The following ENTREP2 variants were observed in gnomAD, a reference collection of about 807,000 sequenced individuals.
ENTREP2 encodes protein ENTREP2.
chr15:29,541,586 T>C, the ENTREP2 span, among the ~76,000 whole-genome samples: 2 of 151,946 alleles, frequency 1.3e-5, no homozygotes, highest in African/African-American at 4.8e-5. Flanking sequence ...TAAGAAGGCA[T>C]TACTGGGACC....
At chr15:29,407,399 T>C in the ENTREP2 span, among the ~76,000 whole-genome samples, 2 of 152,152 alleles carry the variant, frequency 1.3e-5, no homozygotes, top group Admixed American at 1.3e-4. Flanking sequence ...CAAAAATTCA[T>C]CCTAGCTCTC....
chr15:29,534,239 T>C, the ENTREP2 span, among the ~76,000 whole-genome samples: 215 of 151,214 alleles, frequency 1.4e-3, 4 homozygotes, highest in East Asian at 0.038. Flanking sequence ...CCCTAACTAC[T>C]GGGAATCTAT....
chr15:29,268,994 T>A, the ENTREP2 span: 2 of 1,614,184 alleles, frequency 1.2e-6, no homozygotes, highest in South Asian at 2.2e-5. Context: ...GTGTGGGGTA[T>A]CCGCCGGTAT....
At chr15:29,398,755 T>A in the ENTREP2 span, among the ~76,000 whole-genome samples, 1 of 152,054 alleles carries the variant, frequency 6.6e-6, no homozygotes, top group African/African-American at 2.4e-5. Context: ...AAAATGATTC[T>A]GAAAGTACTC....
chr15:29,563,969 C>T, the ENTREP2 span, among the ~76,000 whole-genome samples: 1 of 151,974 alleles, frequency 6.6e-6, no homozygotes, highest in Non-Finnish European at 1.5e-5. Context: ...CTCTCATTTT[C>T]AGTAGTACCA....
At chr15:29,282,676 CTT>C in the ENTREP2 span, among the ~76,000 whole-genome samples, 1 of 152,176 alleles carries the variant, frequency 6.6e-6, no homozygotes, top group Non-Finnish European at 1.5e-5. Flanking sequence ...ATCCCTGACT[CTT>C]GAGACCCCAC....
the ENTREP2 span, among the ~76,000 whole-genome samples, chr15:29,594,055 T>C: frequency 6.6e-6 from 1 of 151,894 alleles, no homozygotes; most frequent in Non-Finnish European, 1.5e-5. Flanking sequence ...TTCCTGCACA[T>C]TTTTTTTGCA....
At chr15:29,215,578 A>T in the ENTREP2 span, among the ~76,000 whole-genome samples, 2 of 47,052 alleles carry the variant, frequency 4.3e-5, no homozygotes, top group Non-Finnish European at 8.8e-5. Flanking sequence ...AATATATATA[A>T]TATATATATA....
the ENTREP2 span, among the ~76,000 whole-genome samples, chr15:29,529,218 CGTGGAGGGGTGTGTGAGGGT>C: frequency 6.1e-3 from 680 of 110,688 alleles, no homozygotes; most frequent in Middle Eastern, 0.02. Flanking sequence ...GTTGTGAGGG[CGTGGAGGGGTGTGTGAGGGT>C]GTGGAGGGGT....
At chr15:29,178,943 C>T in the ENTREP2 span, among the ~76,000 whole-genome samples, 3 of 152,166 alleles carry the variant, frequency 2.0e-5, no homozygotes, top group Non-Finnish European at 4.4e-5. Flanking sequence ...TTGAGAAGGG[C>T]AAGAAGCAGT....
the ENTREP2 span, among the ~76,000 whole-genome samples, chr15:29,306,944 C>T: frequency 6.6e-6 from 1 of 151,900 alleles, no homozygotes; most frequent in Non-Finnish European, 1.5e-5. Flanking sequence ...GACAGGGTTT[C>T]GCCATGTTGC....
chr15:29,629,420 T>C, the ENTREP2 span, among the ~76,000 whole-genome samples: 5 of 152,218 alleles, frequency 3.3e-5, no homozygotes, highest in Non-Finnish European at 7.3e-5. Flanking sequence ...CTGAATGTTA[T>C]TTAGAATTTC....
chr15:29,278,664 A>G, the ENTREP2 span, among the ~76,000 whole-genome samples: 1 of 152,168 alleles, frequency 6.6e-6, no homozygotes, highest in South Asian at 2.1e-4. Flanking sequence ...ACTCCCAACA[A>G]CATGACTCAC....
At chr15:29,413,269 A>G in the ENTREP2 span, among the ~76,000 whole-genome samples, 1 of 152,186 alleles carries the variant, frequency 6.6e-6, no homozygotes, top group Admixed American at 6.5e-5. Context: ...TGTAAATTAT[A>G]CCTGGTTGTG....
the ENTREP2 span, among the ~76,000 whole-genome samples, chr15:29,432,536 T>C: frequency 6.6e-6 from 1 of 152,218 alleles, no homozygotes; most frequent in East Asian, 1.9e-4. Context: ...TGGTTAGTGC[T>C]GTTCCCATCA....
the ENTREP2 span, among the ~76,000 whole-genome samples, chr15:29,620,321 C>T: frequency 0.25 from 38,493 of 151,980 alleles, 6,731 homozygotes; most frequent in African/African-American, 0.48. Flanking sequence ...TGGGAGAAAC[C>T]GGGGGGAAGT....
chr15:29,603,806 C>T, the ENTREP2 span, among the ~76,000 whole-genome samples: 1 of 151,970 alleles, frequency 6.6e-6, no homozygotes, highest in African/African-American at 2.4e-5. Flanking sequence ...GCCTGGCTAA[C>T]TTTCGTATTT....
chr15:29,124,492 A>G, the ENTREP2 span, among the ~76,000 whole-genome samples: 1 of 152,202 alleles, frequency 6.6e-6, no homozygotes, highest in Non-Finnish European at 1.5e-5. Flanking sequence ...GTGTTAAATT[A>G]GTGCTAGCCC....
At chr15:29,222,412 A>G in the ENTREP2 span, among the ~76,000 whole-genome samples, 1 of 152,174 alleles carries the variant, frequency 6.6e-6, no homozygotes, top group Non-Finnish European at 1.5e-5. Flanking sequence ...ATGGAGAGCC[A>G]TTCTTTATTC....
Sources: allele counts gnomAD v4.1 joint callset (sites outside exome capture counted in the v4.1 genomes callset), GRCh38; gene constraint gnomAD v4.1.1; transcripts MANE v1.5; gene names NCBI Gene and HGNC (gene_info 2026-07-23, HGNC 2026-07-21).